MIR2052HG: variants seen among roughly 807,000 people sequenced by gnomAD.
MIR2052HG encodes MIR2052 host gene.
At chr8:74,604,618 A>G (rs1586885081) in intron 1 of MIR2052HG, among the ~76,000 whole-genome samples, 4 of 93,014 alleles carry the variant, frequency 4.3e-5, no homozygotes, top group South Asian at 3.7e-4. Context: ...TCTGAGACGG[A>G]GTCTTGCTCT....
intron 2 of MIR2052HG, among the ~76,000 whole-genome samples, chr8:74,630,466 T>G (rs1394852311): frequency 6.6e-6 from 1 of 150,652 alleles, no homozygotes; most frequent in Admixed American, 6.6e-5. Context: ...TTGGCAAGCC[T>G]TTTACTCCAG....
chr8:74,728,249 TGAGGTAAGATCAC>T (rs1435748376), intron 4 of MIR2052HG, among the ~76,000 whole-genome samples: 1 of 152,242 alleles, frequency 6.6e-6, no homozygotes, highest in Non-Finnish European at 1.5e-5. Context: ...TTTCTGTCCC[TGAGGTAAGATCAC>T]TGAGCTTAGG....
intron 2 of MIR2052HG, among the ~76,000 whole-genome samples, chr8:74,619,794 C>T (rs1403741095): frequency 2.0e-5 from 3 of 152,168 alleles, no homozygotes; most frequent in Non-Finnish European, 4.4e-5. Context: ...CAAAACTTAA[C>T]TATATCTTTT....
chr8:74,649,705 C>G (rs1173930458), intron 2 of MIR2052HG, among the ~76,000 whole-genome samples: 1 of 152,032 alleles, frequency 6.6e-6, no homozygotes, highest in East Asian at 1.9e-4. Flanking sequence ...TATTTAGTGT[C>G]ACTGTGAATT....
chr8:74,678,794 A>G (rs975931583), intron 2 of MIR2052HG, among the ~76,000 whole-genome samples: 4 of 152,056 alleles, frequency 2.6e-5, no homozygotes, highest in African/African-American at 9.7e-5. Flanking sequence ...CTGTATGGGA[A>G]TGAAGAATAC....
intron 4 of MIR2052HG, among the ~76,000 whole-genome samples, chr8:74,719,842 CTTTTTTCTTTTTTTTTTTT>C (rs1223094408): frequency 5.4e-5 from 5 of 92,846 alleles, no homozygotes; most frequent in South Asian, 3.5e-4. Flanking sequence ...TTTTTTTTTT[CTTTTTTCTTTTTTTTTTTT>C]TTTTTGAGAG....
At position 74,742,433 on chromosome 8, in the gene MIR2052HG, G is replaced by C. The variant is rs998699031; in HGVS notation, n.372-10008G>C. Among the ~76,000 whole-genome samples, 15 of 152,044 alleles carry C rather than the reference G, an allele frequency of 9.9e-5. 1 individual carries two copies. The highest frequency in any genetic ancestry group is 6.8e-3 in the Middle Eastern group (2 of 294). ...AATTAAACAGGTTATCTACTTTTTT[G>C]TTCATATTTAAAAATAGAATCTATG... On this transcript the variant is annotated intron_variant and non_coding_transcript_variant, in intron 4 of 6. Coordinates refer to ENST00000523442, the Ensembl canonical transcript of MIR2052HG.
chr8:74,706,822 T>G (rs1311437657), intron 4 of MIR2052HG, among the ~76,000 whole-genome samples: 1 of 152,072 alleles, frequency 6.6e-6, no homozygotes, highest in Non-Finnish European at 1.5e-5. Context: ...AGAAAATTTT[T>G]TTTCACAAGC....
At chr8:74,623,195 C>T (rs1189590521) in intron 2 of MIR2052HG, among the ~76,000 whole-genome samples, 2 of 152,166 alleles carry the variant, frequency 1.3e-5, no homozygotes, top group South Asian at 2.1e-4. Context: ...GGTTAATTAG[C>T]GTGATTTAGC....
chr8:74,685,179 C>T (rs1314112039), intron 2 of MIR2052HG, among the ~76,000 whole-genome samples: 1 of 152,036 alleles, frequency 6.6e-6, no homozygotes, highest in Non-Finnish European at 1.5e-5. Flanking sequence ...ATAAGATACA[C>T]TAAAGAGCAG....
intron 2 of MIR2052HG, among the ~76,000 whole-genome samples, chr8:74,625,919 C>T (rs1366626107): frequency 6.6e-6 from 1 of 152,148 alleles, no homozygotes; most frequent in Non-Finnish European, 1.5e-5. Flanking sequence ...CACCCTACAG[C>T]AATCTTGGAT....
chr8:74,641,270 A>T (rs1333365212), intron 2 of MIR2052HG, among the ~76,000 whole-genome samples: 1 of 152,144 alleles, frequency 6.6e-6, no homozygotes, highest in South Asian at 2.1e-4. Flanking sequence ...CTTCATATTT[A>T]TCCTGGGTGC....
intron 1 of MIR2052HG, chr8:74,610,092 GTTCT>G (rs2128731213): frequency 6.6e-6 from 1 of 151,722 alleles, no homozygotes; most frequent in South Asian, 2.1e-4. Context: ...GCTTACATCT[GTTCT>G]TTATTTGCAG....
In MIR2052HG at chr8:74,690,921, T is replaced by G. The variant is rs909721165; in HGVS notation, n.217-11458T>G. ...GGGGTAACATTTACTTCTAGCAGTT[T>G]TAAAAATTTTCTTAAAGTTATGTAT... On this transcript the variant is annotated intron_variant and non_coding_transcript_variant, in intron 2 of 6. Transcript: ENST00000523442. 2.6e-5 allele frequency among the ~76,000 whole-genome samples: 4 copies of G among 152,216 alleles called. No individual in the cohort carries two copies. In the East Asian group the frequency reaches 7.8e-4, roughly 30 times the overall value.
At chr8:74,723,301 G>T (rs1456761511) in intron 4 of MIR2052HG, among the ~76,000 whole-genome samples, 1 of 152,194 alleles carries the variant, frequency 6.6e-6, no homozygotes, top group East Asian at 1.9e-4. Flanking sequence ...GCATTTATCA[G>T]TGATGCTTTT....
chr8:74,625,987 T>C (rs1808429252), intron 2 of MIR2052HG, among the ~76,000 whole-genome samples: 1 of 152,306 alleles, frequency 6.6e-6, no homozygotes, highest in African/African-American at 2.4e-5. Flanking sequence ...ACATCACTTA[T>C]AACATTAATT....
At chr8:74,705,176 A>G (rs897981378) in intron 4 of MIR2052HG, among the ~76,000 whole-genome samples, 1 of 152,060 alleles carries the variant, frequency 6.6e-6, no homozygotes, top group Non-Finnish European at 1.5e-5. Context: ...AATTCAGACA[A>G]TATTACAAGA....
intron 2 of MIR2052HG, among the ~76,000 whole-genome samples, chr8:74,656,545 A>G (rs977981610): frequency 1.3e-5 from 2 of 152,132 alleles, no homozygotes; most frequent in African/African-American, 2.4e-5. Context: ...TGTAAGAAGT[A>G]CCTTTCACCT....
At chr8:74,666,848 C>T (rs551368118) in intron 2 of MIR2052HG, among the ~76,000 whole-genome samples, 13 of 152,142 alleles carry the variant, frequency 8.5e-5, no homozygotes, top group Non-Finnish European at 1.8e-4. Flanking sequence ...TGCGTGTCTG[C>T]TGGGCTCTGC....
Sources: allele counts gnomAD v4.1 joint callset (sites outside exome capture counted in the v4.1 genomes callset), GRCh38; gene constraint gnomAD v4.1.1; transcripts MANE v1.5; gene names NCBI Gene and HGNC (gene_info 2026-07-23, HGNC 2026-07-21).